Variants in CPQ observed in about 807,000 individuals in gnomAD.
CPQ encodes carboxypeptidase Q.
CPQ carries 37 observed loss-of-function variants against 45.7 expected under a neutral mutation model. The ratio of observed to expected loss-of-function variants is 0.81; its 90% CI spans 0.62 to 1.07. The LOEUF is 1.07. Ranked by LOEUF, CPQ falls within the 50% of genes least tolerant of loss-of-function variation. CPQ has a pLI of 0.00. For missense variants in CPQ, 537 were observed against 572.9 expected, an observed-to-expected ratio of 0.94 and a Z score of 0.64; for synonymous variants, 186 against 205.8, an observed-to-expected ratio of 0.90 and a Z score of 0.82.
intron 7 of CPQ, among the ~76,000 whole-genome samples, chr8:97,105,453 G>GT (rs1185353194): frequency 1.3e-5 from 2 of 152,074 alleles, no homozygotes; most frequent in Admixed American, 6.6e-5. Context: ...GTTTTGTCTG[G>GT]TTTTTTATTC....
At chr8:97,141,728 C>A (rs1219611684) in intron 7 of CPQ, among the ~76,000 whole-genome samples, 1 of 152,076 alleles carries the variant, frequency 6.6e-6, no homozygotes, top group African/African-American at 2.4e-5. Context: ...ACCTAAATGA[C>A]CATTGTTGGT....
chr8:96,667,556 G>A (rs1374446172), intron 1 of CPQ, among the ~76,000 whole-genome samples: 1 of 151,636 alleles, frequency 6.6e-6, no homozygotes, highest in East Asian at 1.9e-4. Flanking sequence ...TCACTATGTT[G>A]GCCAGGCTGA....
chr8:96,793,836 G>T (rs1005282890), intron 2 of CPQ, among the ~76,000 whole-genome samples: 1 of 152,156 alleles, frequency 6.6e-6, no homozygotes, highest in South Asian at 2.1e-4. Flanking sequence ...GGGGCTACAG[G>T]TCCCATGCAA....
chr8:96,973,949 C>T (rs1166141013), intron 5 of CPQ, among the ~76,000 whole-genome samples: 2 of 152,014 alleles, frequency 1.3e-5, no homozygotes, highest in African/African-American at 4.8e-5. Context: ...AACTACAGAA[C>T]AATAACACAG....
chr8:96,840,938 C>A (rs1268409051), intron 3 of CPQ, among the ~76,000 whole-genome samples: 1 of 152,086 alleles, frequency 6.6e-6, no homozygotes. Flanking sequence ...CTTGTATGTT[C>A]CATTGGGCAA....
At chr8:96,816,824 C>A (rs540353102) in intron 2 of CPQ, among the ~76,000 whole-genome samples, 6 of 152,116 alleles carry the variant, frequency 3.9e-5, no homozygotes, top group African/African-American at 7.2e-5. Context: ...TTTTTCTGAG[C>A]AGTACATCTC....
rs1811508851 is a variant in CPQ at position 96,835,024 on chromosome 8, G to A, written c.485G>A (p.Arg162Lys). 1 of 1,613,772 alleles carries A rather than the reference G, an allele frequency of 6.2e-7. No individual in the cohort carries two copies. The highest frequency in any genetic ancestry group is 8.5e-7 in the Non-Finnish European group (1 of 1,179,836). ...VVTSFDELQR[R>K]ASEARGKIVV... ...ACCTCTTTCGATGAACTGCAGAGAA[G>A]GGCCTCAGAAGCAAGAGGGAAGATT... Residue 162 changes from arginine (R) to lysine (K), a missense_variant, in exon 3 of 8, where the codon AGG (arginine) becomes AAG (lysine). Arg to Lys is a conservative substitution (Grantham distance 26). Transcript: ENST00000220763.
chr8:96,683,303 A>G (rs1217150897), intron 1 of CPQ, among the ~76,000 whole-genome samples: 2 of 152,156 alleles, frequency 1.3e-5, no homozygotes, highest in African/African-American at 4.8e-5. Context: ...CTTAGATGGC[A>G]GGGTTTTTTC....
chr8:96,941,179 GTGC>G (rs951290332), intron 4 of CPQ, among the ~76,000 whole-genome samples: 6 of 151,946 alleles, frequency 3.9e-5, no homozygotes, highest in East Asian at 1.9e-4. Flanking sequence ...GAGTGCCCTG[GTGC>G]TGCTGCTGCT....
At chr8:96,665,586 A>C (rs779996603) in intron 1 of CPQ, among the ~76,000 whole-genome samples, 2 of 152,232 alleles carry the variant, frequency 1.3e-5, no homozygotes, top group Non-Finnish European at 2.9e-5. Flanking sequence ...TTTCAAGTGA[A>C]AGTAATTCAA....
rs1270803822 is a variant in CPQ, at chr8:97,029,437, C to T, written c.996C>T (p.Leu332=). The part of the protein sequence containing the change: ...LRPKRTLRLV[L]WTAEEQGGVG... ...CAAAGAGGACTCTGCGGCTGGTGCT[C>T]TGGACTGCAGAAGAACAAGGTGGAG... Residue 332 remains leucine, a synonymous_variant, in exon 6 of 8, where the codon CTC becomes CTT. Transcript: ENST00000220763. The T allele has an allele frequency of 1.2e-6, 2 of 1,608,976 alleles. No homozygotes were observed. The highest frequency in any genetic ancestry group is 2.2e-5 in the East Asian group (1 of 44,810).
intron 4 of CPQ, among the ~76,000 whole-genome samples, chr8:96,964,558 C>T (rs2853268): frequency 0.99 from 150,346 of 152,134 alleles, 74,419 homozygotes; most frequent in Middle Eastern, 1. Context: ...TCTGTTTTTC[C>T]GTGGGTTACC....
chr8:97,053,035 T>C (rs1486281479), intron 6 of CPQ, among the ~76,000 whole-genome samples: 1 of 152,190 alleles, frequency 6.6e-6, no homozygotes, highest in Non-Finnish European at 1.5e-5. Flanking sequence ...ATCACCAACA[T>C]GAGTAACCAC....
At chr8:96,967,724 C>A (rs544350046) in intron 5 of CPQ, among the ~76,000 whole-genome samples, 130 of 152,166 alleles carry the variant, frequency 8.5e-4, no homozygotes, top group Middle Eastern at 3.4e-3. Flanking sequence ...AGTAATATTT[C>A]TTTTGAGTAG....
At chr8:97,064,556 G>C (rs946834308) in intron 6 of CPQ, among the ~76,000 whole-genome samples, 2 of 152,118 alleles carry the variant, frequency 1.3e-5, no homozygotes, top group African/African-American at 4.8e-5. Context: ...AATATGAACA[G>C]AGTTCTGCAT....
chr8:96,654,236 C>G (rs1815612231), intron 1 of CPQ, among the ~76,000 whole-genome samples: 1 of 152,208 alleles, frequency 6.6e-6, no homozygotes, highest in Non-Finnish European at 1.5e-5. Context: ...AGATTCATAT[C>G]TTGACACCTT....
intron 5 of CPQ, among the ~76,000 whole-genome samples, chr8:96,969,875 CATT>C (rs1813632609): frequency 6.6e-6 from 1 of 152,180 alleles, no homozygotes; most frequent in Non-Finnish European, 1.5e-5. Flanking sequence ...TTGGTATTGT[CATT>C]ATCATAAACA....
At chr8:96,695,540 T>C (rs1241717142) in intron 1 of CPQ, among the ~76,000 whole-genome samples, 1 of 152,076 alleles carries the variant, frequency 6.6e-6, no homozygotes, top group Non-Finnish European at 1.5e-5. Context: ...CAACCTACTC[T>C]TCTGACAAAG....
intron 1 of CPQ, among the ~76,000 whole-genome samples, chr8:96,714,127 T>A (rs1393048412): frequency 1.3e-5 from 2 of 152,216 alleles, no homozygotes; most frequent in Non-Finnish European, 2.9e-5. Context: ...TCATGCCCTT[T>A]TTTCAGTGAC....
Sources: allele counts gnomAD v4.1 joint callset (sites outside exome capture counted in the v4.1 genomes callset), GRCh38; gene constraint gnomAD v4.1.1; transcripts MANE v1.5; gene names NCBI Gene and HGNC (gene_info 2026-07-23, HGNC 2026-07-21).